Variants in SYF2 observed in about 807,000 individuals in gnomAD.
SYF2 encodes pre-mRNA-splicing factor SYF2.
A neutral mutation model predicts 32.7 loss-of-function variants in SYF2; 21 were observed. The ratio of observed to expected loss-of-function variants is 0.64; its 90% CI spans 0.45 to 0.92. The LOEUF (loss-of-function observed/expected upper bound fraction) is 0.92. Ranked by LOEUF, SYF2 falls within the 40% of genes least tolerant of loss-of-function variation. The probability of loss-of-function intolerance (pLI) is 0.00; values close to 1 mark genes in which losing one functional copy is unlikely to be tolerated. For missense variants in SYF2, 278 were observed against 296.5 expected, an observed-to-expected ratio of 0.94 and a Z score of 0.46; for synonymous variants, 114 against 103.9, an observed-to-expected ratio of 1.10 and a Z score of -0.59.
intron 2 of SYF2, chr1:25,230,479 A>G (rs1397918605): frequency 6.6e-6 from 1 of 152,196 alleles, no homozygotes; most frequent in Non-Finnish European, 1.5e-5. Context: ...TGTTCCTTAC[A>G]CAATCACTCT....
At chr1:25,228,308 A>G in intron 3 of SYF2, 73 bp from the exon 4 acceptor site, 1 of 1,240,362 alleles carries the variant, frequency 8.1e-7, no homozygotes, top group Non-Finnish European at 1.2e-6. Context: ...ACATCAAGAA[A>G]GATCCAATAA....
chr1:25,223,113 G>C lies in SYF2; in HGVS notation c.*153C>G. On this transcript the variant is annotated 3_prime_UTR_variant, in exon 7 of 7. Transcript: ENST00000236273. ...TGGAAATATACATGAAAGGATATAC[G>C]TTTAAGAAACCACATTTTTATTTCT... 1 of 659,470 alleles carries C rather than the reference G, an allele frequency of 1.5e-6. No individual in the cohort carries two copies. 40.9% of individuals were successfully genotyped at this position (659,470 alleles called of 1,614,324 possible).
rs578176024 is a variant in SYF2 at position 25,232,016 on chromosome 1, C to T, written c.132+88G>A. 7.7e-6 allele frequency: 10 copies of T among 1,292,880 alleles called. No homozygotes were observed. The East Asian group carries it at 2.2e-4, about 28-fold the overall frequency. The allele number at this position is 1,292,880 out of a possible 1,614,324, so 80.1% of individuals were successfully genotyped here. On this transcript the variant is annotated intron_variant, in intron 2 of 6. Coordinates refer to ENST00000236273, the MANE Select transcript of SYF2 (RefSeq NM_015484.5). ...GATCCTGCTCTGTTGGTCTGTCAGA[C>T]GCAGTGGTGTGGCTTCCTCGTCCCC...
chr1:25,224,109 G>A lies in SYF2; in HGVS notation c.567-678C>T, dbSNP rs1009807632. On this transcript the variant is annotated intron_variant, in intron 6 of 6. Transcript: ENST00000236273. ...CTCAGGAGGCTGAGGCAAGAGAATC[G>A]CTTGAAACTGGCAGGTGGAGGTTGT... Among the ~76,000 whole-genome samples, 8 of 152,104 alleles carry A rather than the reference G, an allele frequency of 5.3e-5. No individual in the cohort carries two copies. In the South Asian group the frequency reaches 1.2e-3, roughly 24 times the overall value.
intron 5 of SYF2, among the ~76,000 whole-genome samples, chr1:25,225,403 C>T (rs1638488557): frequency 6.6e-6 from 1 of 151,986 alleles, no homozygotes; most frequent in Admixed American, 6.6e-5. Flanking sequence ...TGACACACAC[C>T]TGTAGTCCCA....
At chr1:25,223,482 C>A in intron 6 of SYF2, 51 bp from the exon 7 acceptor site, 4 of 1,547,650 alleles carry the variant, frequency 2.6e-6, no homozygotes, top group South Asian at 1.2e-5. Context: ...CTCTTTTGAT[C>A]TTAATAAAAC....
Position 25,223,143 on chromosome 1 carries a change from G to T in SYF2, c.*123C>A. ...AGAAACCACATTTTTATTTCTAAAT[G>T]CTGAGTGAGAAGGCATGGACTACTA... On this transcript the variant is annotated 3_prime_UTR_variant, in exon 7 of 7. Coordinates refer to ENST00000236273, the MANE Select transcript of SYF2 (RefSeq NM_015484.5). The T allele has an allele frequency of 1.2e-6, 1 of 833,060 alleles. No individual in the cohort carries two copies. Among genetic ancestry groups the T allele is most frequent in the Non-Finnish European group, 1.8e-6 (1 of 547,688 alleles). The allele number at this position is 833,060 out of a possible 1,614,324, so 51.6% of individuals were successfully genotyped here.
At chr1:25,225,247 G>C in intron 5 of SYF2, 147 bp from the exon 6 acceptor site, 2 of 627,400 alleles carry the variant, frequency 3.2e-6, no homozygotes, top group Non-Finnish European at 5.6e-6. Context: ...AAACATACAG[G>C]CTGGGTGCAG....
Position 25,228,131 on chromosome 1 carries a change from A to T in SYF2, c.363T>A (p.Asp121Glu). Residue 121 changes from aspartate to glutamate, a missense_variant, in exon 4 of 7, where the codon GAT becomes GAA. Coordinates refer to ENST00000236273, the MANE Select transcript of SYF2 (RefSeq NM_015484.5). ...WERKKKRKNP[D>E]LGFSDYAAAQ... ...GGTCAATCTGACCTGAAAATCCCAG[A>T]TCAGGGTTTTTCCTCTTCTTTTTCC... 1 of 1,613,646 alleles carries T rather than the reference A, an allele frequency of 6.2e-7. No individual in the cohort carries two copies. The highest frequency in any genetic ancestry group is 8.5e-7 in the Non-Finnish European group (1 of 1,179,680).
At chr1:25,228,912 C>A in intron 3 of SYF2, 86 bp downstream of exon 3, 1 of 1,493,804 alleles carries the variant, frequency 6.7e-7, no homozygotes, top group South Asian at 1.3e-5. Context: ...GGCCTAAGAG[C>A]CAGTGTATAC....
intron 5 of SYF2, among the ~76,000 whole-genome samples, chr1:25,226,277 T>C (rs1453772298): frequency 6.6e-6 from 1 of 152,246 alleles, no homozygotes. Flanking sequence ...CCAGGACTTA[T>C]CAGAGGTCAC....
intron 1 of SYF2, 101 bp downstream of exon 1, chr1:25,232,343 G>C (rs1196924955): frequency 6.2e-7 from 1 of 1,602,744 alleles, no homozygotes; most frequent in Non-Finnish European, 8.5e-7. Context: ...CAGTGTCTGA[G>C]CCTCCCTGAA....
rs1362952190 is a variant in SYF2 at position 25,228,980 on chromosome 1, G to A, written c.258+18C>T. 1 of 1,608,754 alleles carries A rather than the reference G, an allele frequency of 6.2e-7. No individual in the cohort carries two copies. The highest frequency in any genetic ancestry group is 8.5e-7 in the Non-Finnish European group (1 of 1,178,500). On this transcript the variant is annotated intron_variant, in intron 3 of 6. Transcript: ENST00000236273. ...AATGATTGACTAAATCACTTATGAA[G>A]ATAGAATAGTTCCTAACCTTTTTCT...
rs1404358594 is a variant in SYF2 at position 25,222,603 on chromosome 1, T to C, written c.*663A>G. 2.6e-5 allele frequency: 4 copies of C among 152,148 alleles called. No homozygotes were observed. Among genetic ancestry groups the C allele is most frequent in the Non-Finnish European group, 5.9e-5 (4 of 68,032 alleles). The allele number at this position is 152,148 out of a possible 1,614,324, so 9.4% of individuals were successfully genotyped here. A position where few individuals can be genotyped will look rare whatever the true frequency, so the allele number is the denominator to read the frequency against. On this transcript the variant is annotated 3_prime_UTR_variant, in exon 7 of 7. Coordinates refer to ENST00000236273, the MANE Select transcript of SYF2 (RefSeq NM_015484.5). Reference sequence around the variant, plus strand: ...CATAATAAAATATTCTTTCAGTGTTTGTAGAATGGAAGCATGTATGTATAT... The same window carrying C: ...CATAATAAAATATTCTTTCAGTGTTCGTAGAATGGAAGCATGTATGTATAT...
At chr1:25,228,957 T>C (rs1373465140) in intron 3 of SYF2, 41 bp downstream of exon 3, 2 of 1,597,604 alleles carry the variant, frequency 1.3e-6, no homozygotes, top group East Asian at 4.5e-5. Flanking sequence ...TACAACAGAA[T>C]GATTGACTAA....
rs1638534695 is a variant in SYF2 at position 25,227,453 on chromosome 1, C to T, written c.456G>A (p.Leu152=). 1 of 1,613,452 alleles carries T rather than the reference C, an allele frequency of 6.2e-7. No homozygotes were observed. Residue 152 remains leucine, a synonymous_variant, in exon 5 of 7, where the codon CTG becomes CTA. Coordinates refer to ENST00000236273, the MANE Select transcript of SYF2 (RefSeq NM_015484.5). ...IKPDMETYER[L]REKHGEEFFP... is the part of the protein sequence containing the mutation. ...GAAAAAGGACTTACTGTTTTTCTCTCAGTCTCTCATATGTTTCCATGTCAG... is the reference window on the plus strand; with the variant it reads ...GAAAAAGGACTTACTGTTTTTCTCTTAGTCTCTCATATGTTTCCATGTCAG...
intron 2 of SYF2, chr1:25,231,037 A>C (rs1571492301): frequency 6.6e-6 from 1 of 152,232 alleles, no homozygotes; most frequent in Non-Finnish European, 1.5e-5. Context: ...TGATCTCCTG[A>C]CCTTGTGATC....
Position 25,228,878 on chromosome 1 carries a change from C to G in SYF2, c.258+120G>C, listed in dbSNP as rs1638569800. On this transcript the variant is annotated intron_variant, in intron 3 of 6. Transcript: ENST00000236273. ...GTGTTGCAGTTGGTACTGAGCAGAG[C>G]CAGAATTTCAATTCTGGCAGCTTGG... 4 of 1,258,910 alleles carry G rather than the reference C, an allele frequency of 3.2e-6. No individual in the cohort carries two copies. The Admixed American group carries it at 9.5e-5, about 30-fold the overall frequency. 78.0% of individuals were successfully genotyped at this position (1,258,910 alleles called of 1,614,324 possible).
rs764789090 is a variant in SYF2, at chr1:25,229,134, A to C, written c.133-11T>G. ...TTTACGAGCTTCATTCTAAAACCGTAACACAAGAAGTCTGTCAGCTAAAAC... is the reference window on the plus strand; with the variant it reads ...TTTACGAGCTTCATTCTAAAACCGTCACACAAGAAGTCTGTCAGCTAAAAC... On this transcript the variant is annotated splice_polypyrimidine_tract_variant and intron_variant, in intron 2 of 6. Coordinates refer to ENST00000236273, the MANE Select transcript of SYF2 (RefSeq NM_015484.5). The C allele has an allele frequency of 6.2e-7, 1 of 1,609,628 alleles. No homozygotes were observed. Among genetic ancestry groups the C allele is most frequent in the Non-Finnish European group, 8.5e-7 (1 of 1,178,804 alleles).
Sources: gnomAD v4.1 joint callset for allele counts (sites outside exome capture counted in the v4.1 genomes callset) on GRCh38, gnomAD v4.1.1 for gene constraint, MANE v1.5 for transcripts, NCBI Gene and HGNC (gene_info 2026-07-23, HGNC 2026-07-21) for gene names.